Variants in GABRB2 observed in about 807,000 individuals in gnomAD.
GABRB2 encodes gamma-aminobutyric acid receptor subunit beta-2.
Under a neutral mutation model 54.7 loss-of-function variants are expected in GABRB2, and 16 were observed. The ratio of observed to expected loss-of-function variants is 0.29; its 90% CI spans 0.20 to 0.44. The LOEUF is 0.44. Among genes scored for constraint, GABRB2 ranks in the 20% least tolerant of loss-of-function variants. The pLI, the probability that GABRB2 is intolerant of heterozygous loss-of-function variation, is 1.00. For missense variants in GABRB2, 355 were observed against 644.0 expected, an observed-to-expected ratio of 0.55 and a Z score of 4.86; for synonymous variants, 244 against 233.8, an observed-to-expected ratio of 1.04 and a Z score of -0.40.
chr5:161,483,575 C>T (rs1758830368), intron 3 of GABRB2, among the ~76,000 whole-genome samples: 1 of 151,896 alleles, frequency 6.6e-6, no homozygotes, highest in Non-Finnish European at 1.5e-5. Flanking sequence ...ATGAATAACT[C>T]TCAGGTGCAT....
At chr5:161,522,182 A>G (rs1418174325) in intron 3 of GABRB2, among the ~76,000 whole-genome samples, 6 of 151,850 alleles carry the variant, frequency 4.0e-5, no homozygotes, top group African/African-American at 1.4e-4. Context: ...ATGTACATTT[A>G]ATAGGCCCCT....
chr5:161,494,037 A>C lies in GABRB2; in HGVS notation c.238-34193T>G, dbSNP rs1439955082. On this transcript the variant is annotated intron_variant, in intron 3 of 9. Coordinates refer to ENST00000393959, the MANE Select transcript of GABRB2 (RefSeq NM_001371727.1). ...CAACAAATACATACAATTTTTGTCA[A>C]TTAAAAACCAAAATTTAAAAATCCT... 3.3e-5 allele frequency among the ~76,000 whole-genome samples: 5 copies of C among 151,780 alleles called. No individual in the cohort carries two copies. In the East Asian group the frequency reaches 9.7e-4, roughly 29 times the overall value.
At chr5:161,439,222 C>A (rs1028557522) in intron 4 of GABRB2, among the ~76,000 whole-genome samples, 7 of 152,152 alleles carry the variant, frequency 4.6e-5, no homozygotes, top group African/African-American at 1.7e-4. Context: ...GGAAACCTTA[C>A]AGGCCAAGAG....
chr5:161,487,186 T>C (rs1448581522), intron 3 of GABRB2, among the ~76,000 whole-genome samples: 2 of 151,980 alleles, frequency 1.3e-5, no homozygotes, highest in African/African-American at 4.8e-5. Context: ...TGCTCTTTTG[T>C]GCGGTGACAA....
At chr5:161,310,764 A>ATTT (rs34428930) in intron 9 of GABRB2, among the ~76,000 whole-genome samples, 110 of 139,130 alleles carry the variant, frequency 7.9e-4, no homozygotes, top group African/African-American at 2.6e-3. Flanking sequence ...ATGCTACAGC[A>ATTT]TTTTTTTTTT....
At chr5:161,388,369 T>C (rs1035621804) in intron 5 of GABRB2, among the ~76,000 whole-genome samples, 3 of 152,204 alleles carry the variant, frequency 2.0e-5, no homozygotes, top group East Asian at 3.9e-4. Flanking sequence ...TTTAAAGATG[T>C]ATTCTTCCAC....
chr5:161,474,915 G>T (rs1314884235), intron 3 of GABRB2, among the ~76,000 whole-genome samples: 2 of 151,900 alleles, frequency 1.3e-5, no homozygotes, highest in African/African-American at 4.8e-5. Flanking sequence ...TCTCCTAGGG[G>T]TGCATCTAAT....
At chr5:161,368,021 T>C (rs1367759833) in intron 5 of GABRB2, among the ~76,000 whole-genome samples, 6 of 151,952 alleles carry the variant, frequency 3.9e-5, no homozygotes, top group Admixed American at 3.9e-4. Flanking sequence ...AACACTATTG[T>C]CCAATATGCA....
In GABRB2 at chr5:161,293,753, TG is replaced by T; in HGVS notation, c.*327del. Reference sequence around the variant, plus strand: ...CTGGTTATGACCAAATGACTGACAATGCTGTTGAGCCTTCTAAGAATATCTT... The same window carrying T: ...CTGGTTATGACCAAATGACTGACAATCTGTTGAGCCTTCTAAGAATATCTT... On this transcript the variant is annotated 3_prime_UTR_variant, in exon 10 of 10. Transcript: ENST00000393959. 4.0e-6 allele frequency: 1 copy of T among 253,104 alleles called. No individual in the cohort carries two copies. The highest frequency in any genetic ancestry group is 5.0e-5 in the Admixed American group (1 of 20,152). The allele number at this position is 253,104 out of a possible 1,614,324, so 15.7% of individuals were successfully genotyped here. A position where few individuals can be genotyped will look rare whatever the true frequency, so the allele number is the denominator to read the frequency against.
At chr5:161,305,903 C>G (rs538127585) in intron 9 of GABRB2, among the ~76,000 whole-genome samples, 5 of 152,200 alleles carry the variant, frequency 3.3e-5, no homozygotes, top group African/African-American at 4.8e-5. Context: ...ATGATGATGA[C>G]AGTGCACATC....
intron 5 of GABRB2, among the ~76,000 whole-genome samples, chr5:161,347,209 A>G (rs1007094744): frequency 2.0e-5 from 3 of 152,070 alleles, no homozygotes; most frequent in African/African-American, 7.2e-5. Flanking sequence ...AGAATCCTTT[A>G]CTGGAGAAAC....
intron 4 of GABRB2, among the ~76,000 whole-genome samples, chr5:161,451,325 C>T (rs1757782149): frequency 1.3e-5 from 2 of 152,104 alleles, no homozygotes; most frequent in African/African-American, 4.8e-5. Context: ...GAGGTGTATA[C>T]ACATGTGAAG....
At chr5:161,328,517 T>C (rs960932610) in intron 8 of GABRB2, among the ~76,000 whole-genome samples, 2 of 152,034 alleles carry the variant, frequency 1.3e-5, no homozygotes, top group Non-Finnish European at 2.9e-5. Context: ...TTTTGTCTAC[T>C]GTCACCCAGT....
intron 9 of GABRB2, among the ~76,000 whole-genome samples, chr5:161,314,250 A>T (rs1757959592): frequency 6.6e-6 from 1 of 152,226 alleles, no homozygotes; most frequent in African/African-American, 2.4e-5. Context: ...GCTTAACCTG[A>T]ACCCTCTTTA....
intron 3 of GABRB2, among the ~76,000 whole-genome samples, chr5:161,467,704 A>C (rs142774540): frequency 1.3e-5 from 2 of 152,124 alleles, no homozygotes; most frequent in African/African-American, 4.8e-5. Flanking sequence ...TTAAAAACTT[A>C]TTTTTTTCCA....
chr5:161,383,826 T>C (rs1392745525), intron 5 of GABRB2, among the ~76,000 whole-genome samples: 1 of 152,234 alleles, frequency 6.6e-6, no homozygotes, highest in Non-Finnish European at 1.5e-5. Flanking sequence ...ACGCTGAACA[T>C]GTAGTTGACA....
intron 3 of GABRB2, among the ~76,000 whole-genome samples, chr5:161,517,132 A>G (rs1759973471): frequency 6.6e-6 from 1 of 152,156 alleles, no homozygotes; most frequent in African/African-American, 2.4e-5. Flanking sequence ...AGGTTATTAT[A>G]TAGAATATTC....
intron 3 of GABRB2, among the ~76,000 whole-genome samples, chr5:161,509,687 T>C (rs946830196): frequency 1.3e-5 from 2 of 151,942 alleles, no homozygotes; most frequent in Non-Finnish European, 2.9e-5. Flanking sequence ...CGAGATATTT[T>C]ACACTTAGAA....
At chr5:161,460,455 T>C (rs1758090122) in intron 3 of GABRB2, among the ~76,000 whole-genome samples, 1 of 152,224 alleles carries the variant, frequency 6.6e-6, no homozygotes, top group African/African-American at 2.4e-5. Flanking sequence ...ATGAAATTTA[T>C]GAAATATTTC....
Sources: gnomAD v4.1 joint callset for allele counts (sites outside exome capture counted in the v4.1 genomes callset) on GRCh38, gnomAD v4.1.1 for gene constraint, MANE v1.5 for transcripts, NCBI Gene and HGNC (gene_info 2026-07-23, HGNC 2026-07-21) for gene names.